MMP1: variants seen among roughly 807,000 people sequenced by gnomAD.
The protein encoded by MMP1 is matrix metallopeptidase 1, also known as interstitial collagenase.
Under a neutral mutation model 49.6 loss-of-function variants are expected in MMP1, and 51 were observed. The observed-to-expected ratio is 1.03, with a 90% CI of 0.82 to 1.30. The LOEUF (loss-of-function observed/expected upper bound fraction) is 1.30. Among genes scored for constraint, MMP1 ranks in the 50% most tolerant of loss-of-function variants. The pLI, the probability that MMP1 is intolerant of heterozygous loss-of-function variation, is 0.00. For synonymous variants in MMP1, 230 were observed against 196.8 expected (o/e 1.17, Z -1.41); for missense variants, 623 against 568.7 (o/e 1.10, Z -0.97).
At position 102,791,238 on chromosome 11, in the gene MMP1, C is replaced by G. The variant is rs911463185; in HGVS notation, c.1196+95G>C. 4.4e-6 allele frequency: 6 copies of G among 1,370,140 alleles called. No homozygotes were observed. In the African/African-American group the frequency reaches 7.2e-5, roughly 16 times the overall value. 84.9% of individuals were successfully genotyped at this position (1,370,140 alleles called of 1,614,324 possible). On this transcript the variant is annotated intron_variant, in intron 8 of 9. Transcript: ENST00000315274. Reference sequence around the variant, plus strand: ...AGCCATCTGAAGGAAAGGATGCCGGCCAAGGCAGTTTGAGACTCACTTTGA... The same window carrying G: ...AGCCATCTGAAGGAAAGGATGCCGGGCAAGGCAGTTTGAGACTCACTTTGA...
At chr11:102,796,966 C>A (rs144507775) in intron 3 of MMP1, 48 bp downstream of exon 3, 1 of 1,572,772 alleles carries the variant, frequency 6.4e-7, no homozygotes, top group South Asian at 1.2e-5. Flanking sequence ...TGCAAAGCTA[C>A]GAGATCTAGG....
Position 102,791,201 on chromosome 11 carries a change from T to C in MMP1, c.1196+132A>G, listed in dbSNP as rs560647692. 4 of 871,456 alleles carry C rather than the reference T, an allele frequency of 4.6e-6. No individual in the cohort carries two copies. In the African/African-American group the frequency reaches 5.0e-5, roughly 11 times the overall value. The allele number at this position is 871,456 out of a possible 1,614,324, so 54.0% of individuals were successfully genotyped here. A position where few individuals can be genotyped will look rare whatever the true frequency, so the allele number is the denominator to read the frequency against. ...ATTGGTCAATAGACTAAATAGATGA[T>C]AGATTGGCACCAGCCATCTGAAGGA... On this transcript the variant is annotated intron_variant, in intron 8 of 9. Coordinates refer to ENST00000315274, the MANE Select transcript of MMP1 (RefSeq NM_002421.4).
In MMP1 at chr11:102,795,586, G is replaced by A. The variant is rs756698352; in HGVS notation, c.647C>T (p.Ala216Val). ...AAGAGAATGGCCGAGTTCATGAGCT[G>A]CAACACGATGTAAGTTGTACTCTAA... ...NFREYNLHRV[A>V]AHELGHSLGL... Residue 216 changes from alanine (A) to valine (V), a missense_variant, in exon 5 of 10, where the codon GCA becomes GTA. Coordinates refer to ENST00000315274, the MANE Select transcript of MMP1 (RefSeq NM_002421.4). 112 of 1,611,154 alleles carry A rather than the reference G, an allele frequency of 7.0e-5. No individual in the cohort carries two copies. The highest frequency in any genetic ancestry group is 8.8e-5 in the Non-Finnish European group (104 of 1,179,244).
intron 6 of MMP1, 48 bp downstream of exon 6, chr11:102,795,126 G>T: frequency 7.4e-7 from 1 of 1,350,982 alleles, no homozygotes; most frequent in Non-Finnish European, 1.1e-6. Flanking sequence ...AGTGGTGAAT[G>T]TTGTTATTAT....
chr11:102,790,372 T>G lies in MMP1; in HGVS notation c.*40A>C, dbSNP rs767057350. 1.6e-6 allele frequency: 2 copies of G among 1,246,912 alleles called. No individual in the cohort carries two copies. Among genetic ancestry groups the G allele is most frequent in the Non-Finnish European group, 2.3e-6 (2 of 863,918 alleles). 77.2% of individuals were successfully genotyped at this position (1,246,912 alleles called of 1,614,324 possible). A position where few individuals can be genotyped will look rare whatever the true frequency, so the allele number is the denominator to read the frequency against. The stretch of plus-strand genomic sequence containing the variant: ...CAGTTCTTCAGGAAAACACCTTCTT[T>G]GGACTCACACCATGTGTTTTCCATT... On this transcript the variant is annotated 3_prime_UTR_variant, in exon 10 of 10. Transcript: ENST00000315274.
At chr11:102,797,935 G>T in intron 1 of MMP1, 53 bp downstream of exon 1, 1 of 1,385,210 alleles carries the variant, frequency 7.2e-7, no homozygotes, top group Non-Finnish European at 1.0e-6. Context: ...CATTACTGCA[G>T]AAAAATACAA....
chr11:102,795,491 G>A lies in MMP1; in HGVS notation c.742C>T (p.Leu248=). The change falls in exon 5 of 10, where the codon CTA becomes TTA. Residue 248 remains leucine (L), a synonymous_variant. Coordinates refer to ENST00000315274, the MANE Select transcript of MMP1 (RefSeq NM_002421.4). ...PSYTFSGDVQ[L]AQDDIDGIQA... ...ATGCCATCAATGTCATCCTGAGCTA[G>A]CTGAACATCACCACTGAAGGTGTAG... 1 of 1,614,050 alleles carries A rather than the reference G, an allele frequency of 6.2e-7. No homozygotes were observed. The highest frequency in any genetic ancestry group is 8.5e-7 in the Non-Finnish European group (1 of 1,180,020).
Position 102,791,469 on chromosome 11 carries a change from G to A in MMP1, c.1060C>T (p.Gln354Ter), listed in dbSNP as rs370235672. ...TTGGGGTATCCGTGTAGCACATTCTGTCCCTGAACAGCCCAGTACTTATTC... is the reference window on the plus strand; with the variant it reads ...TTGGGGTATCCGTGTAGCACATTCTATCCCTGAACAGCCCAGTACTTATTC... ...KGNKYWAVQG[Q>*]NVLHGYPKDI... The change falls in exon 8 of 10, where the codon CAG (glutamine) becomes TAG (stop). Residue 354 changes from glutamine to a stop codon, truncating the protein, a stop_gained. Coordinates refer to ENST00000315274, the MANE Select transcript of MMP1 (RefSeq NM_002421.4). LOFTEE classifies it high-confidence loss of function. 3 of 1,613,822 alleles carry A rather than the reference G, an allele frequency of 1.9e-6. No individual in the cohort carries two copies. Among genetic ancestry groups the A allele is most frequent in the African/African-American group, 1.3e-5 (1 of 74,920 alleles).
chr11:102,794,659 A>G lies in MMP1; in HGVS notation c.899+515T>C, dbSNP rs928404106. On this transcript the variant is annotated intron_variant, in intron 6 of 9. Transcript: ENST00000315274. The surrounding 1 kb of genome is among the most constrained non-coding windows in gnomAD (Gnocchi z 4.3). ...TCCAGGGGGCAACAGAGACCCTTCAAGTTAATAGGCTTTGGGAGGGCCATT... is the reference window on the plus strand; with the variant it reads ...TCCAGGGGGCAACAGAGACCCTTCAGGTTAATAGGCTTTGGGAGGGCCATT... Among the ~76,000 whole-genome samples, 3 of 152,084 alleles carry G rather than the reference A, an allele frequency of 2.0e-5. No individual in the cohort carries two copies. Among genetic ancestry groups the G allele is most frequent in the African/African-American group, 7.2e-5 (3 of 41,404 alleles).
chr11:102,792,164 C>T (rs1280197930), intron 7 of MMP1, among the ~76,000 whole-genome samples: 2 of 152,128 alleles, frequency 1.3e-5, no homozygotes, highest in East Asian at 1.9e-4. Flanking sequence ...TGTTTCAAAG[C>T]GTTTGGCCCA....
intron 6 of MMP1, among the ~76,000 whole-genome samples, chr11:102,793,638 A>T (rs2094739395): frequency 6.6e-6 from 1 of 152,190 alleles, no homozygotes; most frequent in Admixed American, 6.5e-5. Context: ...GTATTTGAGG[A>T]TGAGAAATTG....
chr11:102,797,623 G>T, intron 1 of MMP1, 123 bp from the exon 2 acceptor site: 1 of 1,269,154 alleles, frequency 7.9e-7, no homozygotes. Flanking sequence ...AGATTTCGCA[G>T]TTGCTTTTAT....
rs777593187 is a variant in MMP1, at chr11:102,796,999, A to G, written c.499+15T>C. On this transcript the variant is annotated intron_variant, in intron 3 of 9. Coordinates refer to ENST00000315274, the MANE Select transcript of MMP1 (RefSeq NM_002421.4). ...AGGGGCAAGGTGAGGTTAAGGTGCT[A>G]TAAGAAGAACTTACCTCCCCTGACA... 3.7e-6 allele frequency: 6 copies of G among 1,608,764 alleles called. No homozygotes were observed. Among genetic ancestry groups the G allele is most frequent in the Middle Eastern group, 1.7e-4 (1 of 6,046 alleles).
At position 102,794,137 on chromosome 11, in the gene MMP1, C is replaced by T. The variant is rs1378913153; in HGVS notation, c.899+1037G>A. Among the ~76,000 whole-genome samples the T allele has an allele frequency of 6.6e-6, 1 of 152,170 alleles. No homozygotes were observed. Among genetic ancestry groups the T allele is most frequent in the African/African-American group, 2.4e-5 (1 of 41,422 alleles). On this transcript the variant is annotated intron_variant, in intron 6 of 9. Coordinates refer to ENST00000315274, the MANE Select transcript of MMP1 (RefSeq NM_002421.4). This position sits in a 1 kb window ranked among gnomAD's most constrained non-coding sequence, Gnocchi z 4.3. ...AACCATGTGTTTTCTTAACTTGTCCCAGCATTGAACCACACCCTGTATAGT... is the reference window on the plus strand; with the variant it reads ...AACCATGTGTTTTCTTAACTTGTCCTAGCATTGAACCACACCCTGTATAGT...
rs781697259 is a variant in MMP1, at chr11:102,791,379, C to T, written c.1150G>A (p.Glu384Lys). 2 of 1,614,042 alleles carry T rather than the reference C, an allele frequency of 1.2e-6. No individual in the cohort carries two copies. Among genetic ancestry groups the T allele is most frequent in the Non-Finnish European group, 1.7e-6 (2 of 1,179,888 alleles). The change falls in exon 8 of 10, where the codon GAA becomes AAA. Residue 384 changes from glutamate (E) to lysine (K), a missense_variant. By Grantham distance (56) the Glu-to-Lys change is moderately conservative (BLOSUM62 1). Coordinates refer to ENST00000315274, the MANE Select transcript of MMP1 (RefSeq NM_002421.4). Reference sequence around the variant, plus strand: ...AAGAAGTAGGTTTTTCCAGTGTTTTCCTCAGAAAGAGCAGCATCGATATGC... The same window carrying T: ...AAGAAGTAGGTTTTTCCAGTGTTTTTCTCAGAAAGAGCAGCATCGATATGC... The part of the protein sequence containing the change: ...VKHIDAALSE[E>K]NTGKTYFFVA...
Sources: allele counts gnomAD v4.1 joint callset (sites outside exome capture counted in the v4.1 genomes callset), GRCh38; gene constraint gnomAD v4.1.1; non-coding constraint Gnocchi (gnomAD v3.1); transcripts MANE v1.5; gene names NCBI Gene and HGNC (gene_info 2026-07-23, HGNC 2026-07-21).